The following RNF43 variants were observed in gnomAD, a reference collection of about 807,000 sequenced individuals.
RNF43 encodes the protein E3 ubiquitin-protein ligase RNF43.
RNF43 carries 37 observed loss-of-function variants against 78.4 expected under a neutral mutation model. The observed-to-expected ratio is 0.47, with a 90% CI of 0.36 to 0.62. The LOEUF (loss-of-function observed/expected upper bound fraction) is 0.62. Among genes scored for constraint, RNF43 ranks in the 20% least tolerant of loss-of-function variants. The pLI is 0.00. For synonymous variants in RNF43, 347 were observed against 395.0 expected, an observed-to-expected ratio of 0.88 and a Z score of 1.44; for missense variants, 774 against 1,007.9, an observed-to-expected ratio of 0.77 and a Z score of 3.14.
rs761465581 is a variant in RNF43, at chr17:58,381,029, G to C, written c.253-9996C>G. Among the ~76,000 whole-genome samples, 3 of 152,178 alleles carry C rather than the reference G, an allele frequency of 2.0e-5. No individual in the cohort carries two copies. The East Asian group carries it at 5.8e-4, about 29-fold the overall frequency. On this transcript the variant is annotated intron_variant, in intron 2 of 9. Transcript: ENST00000407977. The stretch of plus-strand genomic sequence containing the variant: ...TGGAATGAAGCTATGAAGCTTGCTC[G>C]GCTAGTCCCAGTCCCCAGATCCTGG...
chr17:58,401,959 T>G (rs1973809150), intron 2 of RNF43, among the ~76,000 whole-genome samples: 2 of 152,128 alleles, frequency 1.3e-5, no homozygotes, highest in Non-Finnish European at 2.9e-5. Flanking sequence ...TAACACAAAC[T>G]AGCACATCTC....
At chr17:58,407,007 C>A (rs1225080034) in intron 2 of RNF43, among the ~76,000 whole-genome samples, 1 of 146,346 alleles carries the variant, frequency 6.8e-6, no homozygotes, top group South Asian at 2.2e-4. Flanking sequence ...TTTAAAGCAA[C>A]AACAACAAAC....
chr17:58,413,426 G>GA (rs1440975952), intron 2 of RNF43, among the ~76,000 whole-genome samples: 1 of 152,070 alleles, frequency 6.6e-6, no homozygotes, highest in African/African-American at 2.4e-5. Flanking sequence ...CTTATTTAAA[G>GA]ACCTAAACGA....
intron 6 of RNF43, among the ~76,000 whole-genome samples, chr17:58,362,136 T>C (rs1242099721): frequency 1.3e-5 from 2 of 151,944 alleles, no homozygotes; most frequent in Non-Finnish European, 2.9e-5. Flanking sequence ...TCCCTTGCAT[T>C]CCCTCCCTCC....
At chr17:58,372,175 T>C (rs1346441551) in intron 2 of RNF43, among the ~76,000 whole-genome samples, 1 of 152,236 alleles carries the variant, frequency 6.6e-6, no homozygotes, top group Non-Finnish European at 1.5e-5. Flanking sequence ...AAGATGTTTA[T>C]GAAGATAATG....
At chr17:58,391,031 G>A (rs936329172) in intron 2 of RNF43, among the ~76,000 whole-genome samples, 5 of 152,320 alleles carry the variant, frequency 3.3e-5, no homozygotes, top group African/African-American at 7.2e-5. Flanking sequence ...TAAGCACCTT[G>A]AGGGCAGGAA....
At chr17:58,370,304 G>A (rs1169379123) in intron 3 of RNF43, among the ~76,000 whole-genome samples, 2 of 151,974 alleles carry the variant, frequency 1.3e-5, no homozygotes, top group Admixed American at 6.6e-5. Flanking sequence ...TCCTGACCTC[G>A]TGATCCACCC....
chr17:58,383,112 C>T (rs1022889709), intron 2 of RNF43, among the ~76,000 whole-genome samples: 3 of 148,888 alleles, frequency 2.0e-5, no homozygotes, highest in South Asian at 2.2e-4. Flanking sequence ...AGGACTTGGC[C>T]CAGAGATCTG....
At chr17:58,409,907 A>T (rs1973989438) in intron 2 of RNF43, among the ~76,000 whole-genome samples, 1 of 152,152 alleles carries the variant, frequency 6.6e-6, no homozygotes, top group Non-Finnish European at 1.5e-5. Flanking sequence ...AAACAAAAAA[A>T]GTAAAGTAAA....
intron 2 of RNF43, among the ~76,000 whole-genome samples, chr17:58,385,811 G>A (rs541648213): frequency 2.8e-4 from 43 of 152,126 alleles, no homozygotes; most frequent in Non-Finnish European, 3.8e-4. Context: ...TCTAAGTCTC[G>A]TTTTAAAAAT....
In RNF43 at chr17:58,357,424, TAGTCTCCTCTC is replaced by T; in HGVS notation, c.2308+33_2308+43del. 1 of 1,611,936 alleles carries T rather than the reference TAGTCTCCTCTC, an allele frequency of 6.2e-7. No individual in the cohort carries two copies. Among genetic ancestry groups the T allele is most frequent in the Non-Finnish European group, 8.5e-7 (1 of 1,177,978 alleles). On this transcript the variant is annotated intron_variant, in intron 9 of 9. Transcript: ENST00000407977. This position sits in a 1 kb window ranked among gnomAD's most constrained non-coding sequence, Gnocchi z 4.5. ...TCACCTGTCCTGAAATATTCAGCTG[TAGTCTCCTCTC>T]CCTACCACACCCACTTCCCTCTGAA...
At chr17:58,378,899 A>G (rs1345469136) in intron 2 of RNF43, among the ~76,000 whole-genome samples, 1 of 152,232 alleles carries the variant, frequency 6.6e-6, no homozygotes, top group Non-Finnish European at 1.5e-5. Flanking sequence ...GTTTGGTGAA[A>G]GAATGAATAA....
At chr17:58,373,093 C>T (rs113212925) in intron 2 of RNF43, among the ~76,000 whole-genome samples, 183 of 152,246 alleles carry the variant, frequency 1.2e-3, no homozygotes, top group Non-Finnish European at 2.2e-3. Flanking sequence ...AAGATGGAGG[C>T]CTTCCCTGAG....
Position 58,353,808 on chromosome 17 carries a change from G to T in RNF43, c.*1135C>A, listed in dbSNP as rs189300879. ...TCTCCCCACTAACTGAGGGAAAAAG[G>T]TTCCCAGGTGGGGTCCTCTGCCCAC... On this transcript the variant is annotated 3_prime_UTR_variant, in exon 10 of 10. Transcript: ENST00000407977. 1 of 201,242 alleles carries T rather than the reference G, an allele frequency of 5.0e-6. No homozygotes were observed. Among genetic ancestry groups the T allele is most frequent in the East Asian group, 7.7e-5 (1 of 13,008 alleles). 12.5% of individuals were successfully genotyped at this position (201,242 alleles called of 1,614,324 possible).
At position 58,415,856 on chromosome 17, in the gene RNF43, T is replaced by C; in HGVS notation, c.-279A>G. On this transcript the variant is annotated 5_prime_UTR_variant, in exon 2 of 10. Coordinates refer to ENST00000407977, the MANE Select transcript of RNF43 (RefSeq NM_017763.6). ...TGTGACTAGTAAAGATCTCACCACT[T>C]CTCTTTGGAATTTCCAACTTTGCTT... The C allele has an allele frequency of 4.2e-6, 2 of 474,548 alleles. No homozygotes were observed. 29.4% of individuals were successfully genotyped at this position (474,548 alleles called of 1,614,324 possible).
At chr17:58,393,275 C>T (rs901631172) in intron 2 of RNF43, among the ~76,000 whole-genome samples, 1 of 152,092 alleles carries the variant, frequency 6.6e-6, no homozygotes, top group Admixed American at 6.5e-5. Flanking sequence ...AGTATGGTGG[C>T]AGATGCCTGT....
rs775028128 is a variant in RNF43, at chr17:58,362,584, G to A, written c.647C>T (p.Ser216Leu). ...VGTIFVIILA[S>L]VLRIRCRPRH... Reference sequence around the variant, plus strand: ...GGGGCGGCACCGGATGCGCAGCACCGAAGCCAGGATGATCACAAAGATGGT... The same window carrying A: ...GGGGCGGCACCGGATGCGCAGCACCAAAGCCAGGATGATCACAAAGATGGT... The change falls in exon 6 of 10, where the codon TCG becomes TTG. Residue 216 changes from serine (S) to leucine (L), a missense_variant. Transcript: ENST00000407977. 1.7e-5 allele frequency: 28 copies of A among 1,611,932 alleles called. No homozygotes were observed. The highest frequency in any genetic ancestry group is 1.3e-4 in the South Asian group (12 of 90,786).
At chr17:58,382,200 A>T (rs1973334779) in intron 2 of RNF43, among the ~76,000 whole-genome samples, 1 of 152,164 alleles carries the variant, frequency 6.6e-6, no homozygotes, top group Non-Finnish European at 1.5e-5. Context: ...CCTGATTCTT[A>T]GTGCAATAAA....
At chr17:58,374,415 C>G (rs1459126351) in intron 2 of RNF43, among the ~76,000 whole-genome samples, 2 of 144,962 alleles carry the variant, frequency 1.4e-5, no homozygotes, top group African/African-American at 5.2e-5. Context: ...TTTTTTGAGA[C>G]AGAGTCTCGC....
Sources: gnomAD v4.1 joint callset for allele counts (sites outside exome capture counted in the v4.1 genomes callset) on GRCh38, gnomAD v4.1.1 for gene constraint, Gnocchi (gnomAD v3.1) non-coding constraint, MANE v1.5 for transcripts, NCBI Gene and HGNC (gene_info 2026-07-23, HGNC 2026-07-21) for gene names.